Variants in LRP8 observed in about 807,000 individuals in gnomAD.
LRP8 encodes low-density lipoprotein receptor-related protein 8.
LRP8 carries 46 observed loss-of-function variants against 111.6 expected under a neutral mutation model. That is an observed-to-expected ratio of 0.41 (90% CI 0.33 to 0.53). The LOEUF (loss-of-function observed/expected upper bound fraction) is 0.53, where lower values mean the gene tolerates loss of function less well. Among genes scored for constraint, LRP8 ranks in the 20% least tolerant of loss-of-function variants. The pLI is 0.20. For synonymous variants in LRP8, 464 were observed against 511.2 expected, an observed-to-expected ratio of 0.91 and a Z score of 1.24; for missense variants, 959 against 1,297.4, an observed-to-expected ratio of 0.74 and a Z score of 4.01.
At position 53,317,754 on chromosome 1, in the gene LRP8, A is replaced by T. The variant is rs929081641; in HGVS notation, c.244+9119T>A. On this transcript the variant is annotated intron_variant, in intron 2 of 18. Coordinates refer to ENST00000306052, the MANE Select transcript of LRP8 (RefSeq NM_004631.5). This position sits in a 1 kb window ranked among gnomAD's most constrained non-coding sequence, Gnocchi z 4.9. The stretch of plus-strand genomic sequence containing the variant: ...CATTTTCCCGCTTTCGGAAAGTCTC[A>T]TGAAGCTGGTGGGCCTCACTCCATT... Among the ~76,000 whole-genome samples the T allele has an allele frequency of 1.1e-4, 17 of 152,302 alleles. No homozygotes were observed. Among genetic ancestry groups the T allele is most frequent in the Middle Eastern group, 3.4e-3 (1 of 294 alleles).
chr1:53,305,694 A>T (rs1651809343), intron 2 of LRP8: 1 of 152,314 alleles, frequency 6.6e-6, no homozygotes, highest in Non-Finnish European at 1.5e-5. Context: ...GCCCACCTGG[A>T]CACACAGGCA....
intron 2 of LRP8, among the ~76,000 whole-genome samples, chr1:53,310,477 G>A (rs1652787018): frequency 1.3e-5 from 2 of 152,244 alleles, no homozygotes; most frequent in African/African-American, 4.8e-5. Flanking sequence ...TGAATGGAAT[G>A]AGATGCTGCC....
intron 2 of LRP8, among the ~76,000 whole-genome samples, chr1:53,321,825 A>G (rs1654557530): frequency 1.3e-5 from 2 of 152,276 alleles, no homozygotes; most frequent in South Asian, 4.1e-4. Flanking sequence ...GGAAAGGAGC[A>G]GACAGGACAG....
At chr1:53,272,705 C>A in intron 6 of LRP8, 1 of 1,285,044 alleles carries the variant, frequency 7.8e-7, no homozygotes, top group East Asian at 5.6e-5. Context: ...CAGCCAGGCC[C>A]AGCCCTGGGA....
chr1:53,293,408 C>T lies in LRP8; in HGVS notation c.245-3719G>A, dbSNP rs1370350931. Among the ~76,000 whole-genome samples the T allele has an allele frequency of 6.6e-6, 1 of 152,228 alleles. No individual in the cohort carries two copies. Among genetic ancestry groups the T allele is most frequent in the African/African-American group, 2.4e-5 (1 of 41,450 alleles). ...TGGAGATTTTCCACTCTGGCTCTGG[C>T]CTGGCACCTTTCACCCAATATCCCA... On this transcript the variant is annotated intron_variant, in intron 2 of 18. Transcript: ENST00000306052. This position sits in a 1 kb window ranked among gnomAD's most constrained non-coding sequence, Gnocchi z 4.9.
At chr1:53,256,085 A>T (rs1183957459) in intron 15 of LRP8, among the ~76,000 whole-genome samples, 1 of 152,208 alleles carries the variant, frequency 6.6e-6, no homozygotes. Flanking sequence ...TCATTGTAAC[A>T]TTTGTGAAGC....
intron 2 of LRP8, among the ~76,000 whole-genome samples, chr1:53,307,922 T>C (rs72895370): frequency 0.13 from 19,471 of 152,246 alleles, 1,384 homozygotes; most frequent in Middle Eastern, 0.2. Context: ...GGTGAGTAGA[T>C]ACCTAGCCTA....
chr1:53,253,451 A>G (rs566815027), intron 16 of LRP8, among the ~76,000 whole-genome samples: 168 of 152,324 alleles, frequency 1.1e-3, no homozygotes, highest in Non-Finnish European at 2.1e-3. Flanking sequence ...TGGGCGATTC[A>G]TAACAGATAA....
Position 53,266,761 on chromosome 1 carries a change from A to G in LRP8, c.1253-114T>C. On this transcript the variant is annotated intron_variant, in intron 8 of 18. Coordinates refer to ENST00000306052, the MANE Select transcript of LRP8 (RefSeq NM_004631.5). This position sits in a 1 kb window ranked among gnomAD's most constrained non-coding sequence, Gnocchi z 5.0. The stretch of plus-strand genomic sequence containing the variant: ...ACACATCCATTTTCCTTAAAATAGT[A>G]GTGACAATTCCTACTTTACAGGTTG... 1 of 898,560 alleles carries G rather than the reference A, an allele frequency of 1.1e-6. No homozygotes were observed. The highest frequency in any genetic ancestry group is 1.5e-5 in the South Asian group (1 of 65,796). The allele number at this position is 898,560 out of a possible 1,614,324, so 55.7% of individuals were successfully genotyped here.
intron 3 of LRP8, among the ~76,000 whole-genome samples, chr1:53,284,785 C>T (rs183094193): frequency 6.6e-6 from 1 of 152,308 alleles, no homozygotes; most frequent in East Asian, 1.9e-4. Flanking sequence ...TAACAGCCCT[C>T]CACCCTCAAA....
chr1:53,317,810 A>T lies in LRP8; in HGVS notation c.244+9063T>A, dbSNP rs1009421922. 6.6e-6 allele frequency among the ~76,000 whole-genome samples: 1 copy of T among 152,160 alleles called. No individual in the cohort carries two copies. Among genetic ancestry groups the T allele is most frequent in the East Asian group, 1.9e-4 (1 of 5,198 alleles). The stretch of plus-strand genomic sequence containing the variant: ...CCATCACTGCACTGCATCCGGCCCA[A>T]TTGTGAGTGCAGGAAGAAGGCAGAA... On this transcript the variant is annotated intron_variant, in intron 2 of 18. Transcript: ENST00000306052. This position sits in a 1 kb window ranked among gnomAD's most constrained non-coding sequence, Gnocchi z 4.9.
intron 1 of LRP8, chr1:53,327,494 A>G: frequency 9.2e-6 from 3 of 325,226 alleles, no homozygotes; most frequent in Non-Finnish European, 1.1e-5. Flanking sequence ...CGAGAATCAC[A>G]CAGCTCATCC....
At chr1:53,308,560 G>A (rs1411210220) in intron 2 of LRP8, among the ~76,000 whole-genome samples, 1 of 152,222 alleles carries the variant, frequency 6.6e-6, no homozygotes, top group Non-Finnish European at 1.5e-5. Context: ...TGTAAGCAGA[G>A]GGCTGAATTA....
chr1:53,300,154 T>C (rs1217839298), intron 2 of LRP8, among the ~76,000 whole-genome samples: 1 of 152,218 alleles, frequency 6.6e-6, no homozygotes, highest in East Asian at 1.9e-4. Context: ...GCCCTGCTAC[T>C]GCTCTGGCCC....
chr1:53,295,104 C>T (rs547494765), intron 2 of LRP8, among the ~76,000 whole-genome samples: 4 of 152,272 alleles, frequency 2.6e-5, no homozygotes, highest in East Asian at 1.9e-4. Flanking sequence ...GCACTTGAAC[C>T]CAGGTAATGA....
chr1:53,299,033 T>A (rs1460065061), intron 2 of LRP8, among the ~76,000 whole-genome samples: 1 of 152,226 alleles, frequency 6.6e-6, no homozygotes, highest in African/African-American at 2.4e-5. Context: ...AGCAGAACTC[T>A]GCAGCCAGGG....
chr1:53,248,641 T>G (rs1645799855), intron 18 of LRP8, among the ~76,000 whole-genome samples: 1 of 152,350 alleles, frequency 6.6e-6, no homozygotes, highest in East Asian at 1.9e-4. Context: ...TTATGAAGAT[T>G]AAATGAGAAA....
intron 3 of LRP8, among the ~76,000 whole-genome samples, chr1:53,286,285 C>T (rs538543366): frequency 6.6e-6 from 1 of 152,314 alleles, no homozygotes; most frequent in African/African-American, 2.4e-5. Flanking sequence ...AGGCAAAATG[C>T]TGCTAGCTGG....
rs886296847 is a variant in LRP8 at position 53,249,869 on chromosome 1, C to T, written c.2677-313G>A. On this transcript the variant is annotated intron_variant, in intron 17 of 18. Transcript: ENST00000306052. This position sits in a 1 kb window ranked among gnomAD's most constrained non-coding sequence, Gnocchi z 4.1. ...TGATGTTTCCATGGCATCTGTTCAA[C>T]AAATATTTGTTGGGAGTCAGCCATG... is the stretch of plus-strand genomic sequence containing the variant. Among the ~76,000 whole-genome samples the T allele has an allele frequency of 1.3e-5, 2 of 152,194 alleles. No individual in the cohort carries two copies. The highest frequency in any genetic ancestry group is 4.8e-5 in the African/African-American group (2 of 41,448).
Sources: allele counts gnomAD v4.1 joint callset (sites outside exome capture counted in the v4.1 genomes callset), GRCh38; gene constraint gnomAD v4.1.1; non-coding constraint Gnocchi (gnomAD v3.1); transcripts MANE v1.5; gene names NCBI Gene and HGNC (gene_info 2026-07-23, HGNC 2026-07-21).